FOXP1: variants seen among roughly 807,000 people sequenced by gnomAD.
FOXP1 encodes the protein forkhead box protein P1.
FOXP1 carries 15 observed loss-of-function variants against 98.2 expected under a neutral mutation model. The observed-to-expected ratio is 0.15, with a 90% CI of 0.10 to 0.24. The LOEUF (loss-of-function observed/expected upper bound fraction) is 0.24. Ranked by LOEUF, FOXP1 falls within the 10% of genes least tolerant of loss-of-function variation. The pLI is 1.00. For missense variants in FOXP1, 633 were observed against 848.5 expected, an observed-to-expected ratio of 0.75 and a Z score of 3.15; for synonymous variants, 371 against 314.5, an observed-to-expected ratio of 1.18 and a Z score of -1.90.
intron 6 of FOXP1, among the ~76,000 whole-genome samples, chr3:71,121,775 T>C (rs2058793559): frequency 6.6e-6 from 1 of 152,206 alleles, no homozygotes; most frequent in African/African-American, 2.4e-5. Flanking sequence ...ATGTCTAAAA[T>C]GTTAAGTTGG....
intron 5 of FOXP1, among the ~76,000 whole-genome samples, chr3:71,264,272 T>C (rs1437635249): frequency 6.6e-6 from 1 of 152,182 alleles, no homozygotes; most frequent in Non-Finnish European, 1.5e-5. Flanking sequence ...TCCTGAAGAC[T>C]TGCCCTGGAA....
At chr3:71,167,216 G>A (rs914932853) in intron 6 of FOXP1, among the ~76,000 whole-genome samples, 4 of 152,086 alleles carry the variant, frequency 2.6e-5, no homozygotes, top group Non-Finnish European at 5.9e-5. Flanking sequence ...CGGCTGGACC[G>A]CACTGACAGC....
At chr3:71,403,092 TTTTTG>T (rs2082055283) in intron 3 of FOXP1, among the ~76,000 whole-genome samples, 1 of 152,228 alleles carries the variant, frequency 6.6e-6, no homozygotes, top group African/African-American at 2.4e-5. Flanking sequence ...GAAGTTTACT[TTTTTG>T]TTTTGTTTTT....
chr3:71,067,187 A>C (rs1202327228), intron 7 of FOXP1, among the ~76,000 whole-genome samples: 1 of 152,206 alleles, frequency 6.6e-6, no homozygotes, highest in Non-Finnish European at 1.5e-5. Flanking sequence ...CCCTGTCTCC[A>C]GACAGACAGA....
chr3:71,419,284 GA>G (rs1366662366), intron 3 of FOXP1, among the ~76,000 whole-genome samples: 1 of 136,750 alleles, frequency 7.3e-6, no homozygotes, highest in Non-Finnish European at 1.6e-5. Context: ...GGGAGGGAAG[GA>G]AAAAGAAAAC....
At chr3:71,324,084 A>C (rs2075545884) in intron 4 of FOXP1, among the ~76,000 whole-genome samples, 1 of 151,838 alleles carries the variant, frequency 6.6e-6, no homozygotes, top group Non-Finnish European at 1.5e-5. Context: ...TAAATATATA[A>C]AATTATATAT....
chr3:71,565,742 T>C (rs915434466), intron 2 of FOXP1, among the ~76,000 whole-genome samples: 21 of 152,360 alleles, frequency 1.4e-4, no homozygotes, highest in African/African-American at 4.8e-4. Context: ...ATGAATCTCA[T>C]AAGCTTGTTG....
rs560283393 is a variant in FOXP1, at chr3:71,041,989, T to C, written c.665-457A>G. On this transcript the variant is annotated intron_variant, in intron 10 of 20. Coordinates refer to ENST00000649528, the MANE Select transcript of FOXP1 (RefSeq NM_001349338.3). ...TGACAAATAGCTTTGTTATTAAATA[T>C]AGTTTTTATTAATCACTTTTAGACA... 5.3e-5 allele frequency among the ~76,000 whole-genome samples: 8 copies of C among 152,360 alleles called. No individual in the cohort carries two copies. The East Asian group carries it at 1.5e-3, about 29-fold the overall frequency.
intron 11 of FOXP1, among the ~76,000 whole-genome samples, chr3:71,027,588 T>C (rs544491302): frequency 2.6e-5 from 4 of 152,324 alleles, no homozygotes; most frequent in African/African-American, 9.6e-5. Context: ...AAACACCTAC[T>C]TTGTGATAAT....
At chr3:71,436,201 C>T (rs575060190) in intron 3 of FOXP1, among the ~76,000 whole-genome samples, 2 of 151,930 alleles carry the variant, frequency 1.3e-5, no homozygotes, top group African/African-American at 4.8e-5. Context: ...ATTGTCTCCC[C>T]GCAACAGCCC....
At chr3:71,274,875 T>C (rs2070738494) in intron 5 of FOXP1, among the ~76,000 whole-genome samples, 1 of 152,344 alleles carries the variant, frequency 6.6e-6, no homozygotes, top group Admixed American at 6.5e-5. Flanking sequence ...TGATCAATTG[T>C]AGCAGGGCTT....
At chr3:71,273,711 G>T (rs1040401484) in intron 5 of FOXP1, among the ~76,000 whole-genome samples, 1 of 152,076 alleles carries the variant, frequency 6.6e-6, no homozygotes, top group African/African-American at 2.4e-5. Flanking sequence ...AGCAAAAAAA[G>T]AAACTGGGGG....
chr3:71,437,732 C>A (rs1411522051), intron 3 of FOXP1, among the ~76,000 whole-genome samples: 1 of 152,138 alleles, frequency 6.6e-6, no homozygotes, highest in East Asian at 1.9e-4. Flanking sequence ...ATCATAATGC[C>A]TTTGGGAATA....
chr3:71,578,750 T>A (rs1445335718), intron 2 of FOXP1, among the ~76,000 whole-genome samples: 2 of 152,196 alleles, frequency 1.3e-5, no homozygotes, highest in African/African-American at 4.8e-5. Context: ...AAAACAGACA[T>A]ACCCTTCAAC....
In FOXP1 at chr3:71,090,833, C is replaced by T. The variant is rs143295531; in HGVS notation, c.282+21703G>A. ...CTGGCATATATCAAAGATTCAGAGA[C>T]GATAACATAGGTATATGATAACATA... On this transcript the variant is annotated intron_variant, in intron 7 of 20. Coordinates refer to ENST00000649528, the MANE Select transcript of FOXP1 (RefSeq NM_001349338.3). 2.2e-3 allele frequency among the ~76,000 whole-genome samples: 329 copies of T among 152,140 alleles called. 1 individual carries two copies. Among genetic ancestry groups the T allele is most frequent in the African/African-American group, 7.4e-3 (307 of 41,490 alleles).
chr3:71,268,955 C>A (rs2070035888), intron 5 of FOXP1, among the ~76,000 whole-genome samples: 2 of 152,136 alleles, frequency 1.3e-5, no homozygotes, highest in African/African-American at 4.8e-5. Context: ...AACATGTAGC[C>A]TCGTGGTTCA....
intron 3 of FOXP1, among the ~76,000 whole-genome samples, chr3:71,487,708 T>C (rs2090759889): frequency 2.0e-5 from 3 of 152,264 alleles, no homozygotes; most frequent in Admixed American, 2.0e-4. Flanking sequence ...ATGTTTTGTG[T>C]AGGTATCATG....
intron 3 of FOXP1, among the ~76,000 whole-genome samples, chr3:71,397,088 A>ATATATATACACATATATATATATGTG (rs2081561434): frequency 3.1e-4 from 2 of 6,498 alleles, no homozygotes; most frequent in Non-Finnish European, 5.3e-4. Flanking sequence ...ATATATGTGT[A>ATATATATACACATATATATATATGTG]TATATATATA....
chr3:71,487,971 AT>A (rs1034841695), intron 3 of FOXP1, among the ~76,000 whole-genome samples: 6 of 151,776 alleles, frequency 4.0e-5, no homozygotes, highest in Admixed American at 6.6e-5. Context: ...AATTTAACAG[AT>A]TTTTTTTTAA....
Sources: allele counts gnomAD v4.1 joint callset (sites outside exome capture counted in the v4.1 genomes callset), GRCh38; gene constraint gnomAD v4.1.1; transcripts MANE v1.5; gene names NCBI Gene and HGNC (gene_info 2026-07-23, HGNC 2026-07-21).